Variants in RBFOX1 observed in about 807,000 individuals in gnomAD.
RBFOX1 encodes the protein RNA binding fox-1 homolog 1.
In RBFOX1, 8 loss-of-function variants were observed where a neutral mutation model predicts 57.7. The observed-to-expected ratio is 0.14, with a 90% CI of 0.08 to 0.25. The LOEUF is 0.25. RBFOX1 is among the 10% of genes least tolerant of loss of function. The pLI is 1.00. For missense variants in RBFOX1, 611 were observed against 548.5 expected, an observed-to-expected ratio of 1.11 and a Z score of -1.14; for synonymous variants, 326 against 222.4, an observed-to-expected ratio of 1.47 and a Z score of -4.15.
intron 4 of RBFOX1, among the ~76,000 whole-genome samples, chr16:5,993,907 G>T (rs111315499): frequency 6.6e-6 from 1 of 152,110 alleles, no homozygotes; most frequent in Admixed American, 6.5e-5. Flanking sequence ...AGCAGGTCCC[G>T]CTGGGTGGGA....
intron 3 of RBFOX1, among the ~76,000 whole-genome samples, chr16:7,007,724 A>T (rs1468887818): frequency 6.6e-6 from 1 of 152,206 alleles, no homozygotes; most frequent in Non-Finnish European, 1.5e-5. Flanking sequence ...TATACAGGGT[A>T]AACTCCCATG....
intron 4 of RBFOX1, among the ~76,000 whole-genome samples, chr16:5,960,439 TC>T (rs2152287339): frequency 6.6e-6 from 1 of 152,168 alleles, no homozygotes; most frequent in African/African-American, 2.4e-5. Flanking sequence ...TTTTTTATGT[TC>T]CCCCAAAGTA....
At chr16:7,450,460 G>C (rs1042227478) in intron 4 of RBFOX1, among the ~76,000 whole-genome samples, 2 of 149,202 alleles carry the variant, frequency 1.3e-5, no homozygotes, top group East Asian at 4.0e-4. Context: ...GACTGTGGAT[G>C]ATAAATTCTA....
rs543431918 is a variant in RBFOX1 at position 5,297,460 on chromosome 16, T to C, written c.219+57355T>C. On this transcript the variant is annotated intron_variant, in intron 1 of 2. Transcript: ENST00000585867. ...CTAATAGGTGTCAGGTAATATATCA[T>C]TGTGGCTTTAACTTACATTTCCTTT... Among the ~76,000 whole-genome samples the C allele has an allele frequency of 3.3e-5, 5 of 152,340 alleles. No homozygotes were observed. In the South Asian group the frequency reaches 1.0e-3, roughly 32 times the overall value.
At chr16:5,676,445 CCT>C (rs1164311480) in intron 3 of RBFOX1, among the ~76,000 whole-genome samples, 4 of 152,156 alleles carry the variant, frequency 2.6e-5, no homozygotes, top group African/African-American at 7.2e-5. Context: ...CTCACATCTC[CCT>C]CTCACTAGCT....
At chr16:6,017,754 G>A (rs562948450), upstream of RBFOX1, among the ~76,000 whole-genome samples, 16 of 152,272 alleles carry the variant, frequency 1.1e-4, no homozygotes, top group African/African-American at 3.1e-4. Context: ...ACCGCAGCCC[G>A]ATAGGATTGC....
intron 1 of RBFOX1, among the ~76,000 whole-genome samples, chr16:5,327,623 C>T (rs2064619631): frequency 6.6e-6 from 1 of 152,138 alleles, no homozygotes; most frequent in African/African-American, 2.4e-5. Context: ...AAACATCCTC[C>T]CCTACTTCCC....
intron 11 of RBFOX1, among the ~76,000 whole-genome samples, chr16:7,642,935 G>A (rs181589460): frequency 6.6e-6 from 1 of 152,142 alleles, no homozygotes; most frequent in East Asian, 1.9e-4. Flanking sequence ...CCTGCCCGGC[G>A]GGGGAAATTG....
intron 3 of RBFOX1, among the ~76,000 whole-genome samples, chr16:6,990,514 A>T (rs891057968): frequency 6.6e-6 from 1 of 152,108 alleles, no homozygotes; most frequent in African/African-American, 2.4e-5. Flanking sequence ...AACAAGAAAG[A>T]AACTCCATCT....
intron 4 of RBFOX1, among the ~76,000 whole-genome samples, chr16:5,999,809 A>C (rs994685195): frequency 3.1e-4 from 40 of 127,994 alleles, no homozygotes; most frequent in African/African-American, 1.1e-3. Flanking sequence ...TGTGGTGAGC[A>C]GAGATCGCAG....
intron 2 of RBFOX1, among the ~76,000 whole-genome samples, chr16:6,554,569 C>G (rs1162204529): frequency 2.0e-5 from 3 of 152,104 alleles, no homozygotes; most frequent in African/African-American, 7.2e-5. Context: ...GTTTTCTAAA[C>G]AAGAAAACAA....
chr16:6,909,252 C>G (rs567044710), intron 3 of RBFOX1, among the ~76,000 whole-genome samples: 2 of 152,154 alleles, frequency 1.3e-5, no homozygotes, highest in Non-Finnish European at 2.9e-5. Flanking sequence ...TGGCCCTTTT[C>G]ATCTTCAAAG....
chr16:6,195,151 A>T (rs1011221048), intron 1 of RBFOX1, among the ~76,000 whole-genome samples: 8 of 152,214 alleles, frequency 5.3e-5, no homozygotes, highest in African/African-American at 1.9e-4. Context: ...TAAGAAAGGT[A>T]TTAATCATAC....
chr16:7,267,488 G>A (rs1318946147), intron 4 of RBFOX1, among the ~76,000 whole-genome samples: 1 of 152,050 alleles, frequency 6.6e-6, no homozygotes, highest in Admixed American at 6.6e-5. Context: ...GCGAGCCAAG[G>A]TTGCACTACT....
intron 2 of RBFOX1, among the ~76,000 whole-genome samples, chr16:6,516,559 C>A (rs952192033): frequency 2.0e-5 from 3 of 152,120 alleles, no homozygotes; most frequent in Non-Finnish European, 4.4e-5. Flanking sequence ...ATAACCCTAG[C>A]ACTTTGTACA....
intron 1 of RBFOX1, among the ~76,000 whole-genome samples, chr16:6,182,316 C>G (rs1343220314): frequency 6.6e-6 from 1 of 152,172 alleles, no homozygotes; most frequent in Non-Finnish European, 1.5e-5. Flanking sequence ...CTCTCACTTT[C>G]ATAAAGTGTT....
At chr16:6,894,790 G>C (rs943492235) in intron 3 of RBFOX1, among the ~76,000 whole-genome samples, 1 of 152,122 alleles carries the variant, frequency 6.6e-6, no homozygotes, top group African/African-American at 2.4e-5. Context: ...CATTTTCCCT[G>C]TGTTTGTAAT....
intron 4 of RBFOX1, among the ~76,000 whole-genome samples, chr16:7,154,921 A>G (rs998609743): frequency 1.3e-5 from 2 of 152,182 alleles, no homozygotes; most frequent in Non-Finnish European, 2.9e-5. Flanking sequence ...ACTTTGCATA[A>G]TGAGTGAGAG....
intron 4 of RBFOX1, among the ~76,000 whole-genome samples, chr16:7,324,818 A>G (rs1456977210): frequency 2.6e-5 from 4 of 152,150 alleles, no homozygotes; most frequent in Non-Finnish European, 5.9e-5. Context: ...AGAGTAACCC[A>G]GGGTCCTGGA....
Sources: allele counts gnomAD v4.1 joint callset (sites outside exome capture counted in the v4.1 genomes callset), GRCh38; gene constraint gnomAD v4.1.1; transcripts MANE v1.5; gene names NCBI Gene and HGNC (gene_info 2026-07-23, HGNC 2026-07-21).